PLEKHD1: variants seen among roughly 807,000 people sequenced by gnomAD.
PLEKHD1 encodes the protein pleckstrin homology and coiled-coil domain containing D1.
PLEKHD1 carries 51 observed loss-of-function variants against 69.2 expected under a neutral mutation model. The observed-to-expected ratio is 0.74, with a 90% CI of 0.59 to 0.93. The LOEUF (loss-of-function observed/expected upper bound fraction) is 0.93. Ranked by LOEUF, PLEKHD1 falls within the 40% of genes least tolerant of loss-of-function variation. PLEKHD1 has a pLI of 0.00. For synonymous variants in PLEKHD1, 236 were observed against 244.7 expected, an observed-to-expected ratio of 0.96 and a Z score of 0.33; for missense variants, 584 against 641.0, an observed-to-expected ratio of 0.91 and a Z score of 0.96.
At chr14:69,469,592 G>A in the PLEKHD1 span, among the ~76,000 whole-genome samples, 1 of 151,892 alleles carries the variant, frequency 6.6e-6, no homozygotes, top group African/African-American at 2.4e-5. Flanking sequence ...TAATTTTTTT[G>A]TGTAGATGGG....
chr14:69,498,807 C>G (rs1882955940), intron 1 of PLEKHD1, among the ~76,000 whole-genome samples: 1 of 152,004 alleles, frequency 6.6e-6, no homozygotes, highest in Non-Finnish European at 1.5e-5. Context: ...GCCACCACAC[C>G]CAGCTAATTT....
chr14:69,472,482 G>A, the PLEKHD1 span, among the ~76,000 whole-genome samples: 2 of 152,014 alleles, frequency 1.3e-5, no homozygotes, highest in East Asian at 1.9e-4. Flanking sequence ...TTTCTTTTTC[G>A]GTAACGTTAA....
chr14:69,483,765 G>A (rs555989881), upstream of PLEKHD1, among the ~76,000 whole-genome samples: 6 of 152,380 alleles, frequency 3.9e-5, no homozygotes, highest in Non-Finnish European at 8.8e-5. Flanking sequence ...GTGGTCTGGC[G>A]GGCGGCCGCT....
intron 6 of PLEKHD1, among the ~76,000 whole-genome samples, chr14:69,517,005 G>C (rs980723198): frequency 6.6e-6 from 1 of 152,120 alleles, no homozygotes; most frequent in African/African-American, 2.4e-5. Flanking sequence ...GATGAAGGCG[G>C]GCCAGAAAGA....
At chr14:69,501,659 C>T in intron 4 of PLEKHD1, 75 bp from the exon 5 acceptor site, 1 of 1,174,324 alleles carries the variant, frequency 8.5e-7, no homozygotes, top group Admixed American at 2.4e-5. Context: ...TTCTCTTTCC[C>T]CTCTACCCTT....
intron 1 of PLEKHD1, among the ~76,000 whole-genome samples, chr14:69,491,536 G>T (rs1010641469): frequency 3.9e-5 from 6 of 152,162 alleles, no homozygotes; most frequent in African/African-American, 7.2e-5. Flanking sequence ...GCCCTTTCTA[G>T]CTCCTACTCC....
chr14:69,502,918 A>T, intron 6 of PLEKHD1, 39 bp downstream of exon 6: 1 of 1,548,558 alleles, frequency 6.5e-7, no homozygotes, highest in African/African-American at 1.4e-5. Context: ...GCCGTGGTGT[A>T]ATGGCTCACG....
At chr14:69,476,994 TTTTATTTATTTA>T in the PLEKHD1 span, among the ~76,000 whole-genome samples, 50 of 149,474 alleles carry the variant, frequency 3.3e-4, no homozygotes, top group Non-Finnish European at 6.5e-4. Context: ...CTCCCCTTTA[TTTTATTTATTTA>T]TTTATTTATT....
chr14:69,497,355 G>A (rs1882911597), intron 1 of PLEKHD1, among the ~76,000 whole-genome samples: 1 of 152,262 alleles, frequency 6.6e-6, no homozygotes, highest in Non-Finnish European at 1.5e-5. Context: ...ACAGCCAGGG[G>A]ACACCTACCT....
the PLEKHD1 span, among the ~76,000 whole-genome samples, chr14:69,467,871 C>T: frequency 6.6e-6 from 1 of 152,276 alleles, no homozygotes; most frequent in African/African-American, 2.4e-5. Flanking sequence ...ACAGGAGGCA[C>T]CTCAGAAGCT....
chr14:69,474,379 G>C, the PLEKHD1 span, among the ~76,000 whole-genome samples: 1 of 152,166 alleles, frequency 6.6e-6, no homozygotes, highest in Non-Finnish European at 1.5e-5. Flanking sequence ...CTGACCACCG[G>C]TTCGCGACCA....
intron 6 of PLEKHD1, among the ~76,000 whole-genome samples, chr14:69,516,842 T>A (rs998325710): frequency 6.6e-6 from 1 of 152,218 alleles, no homozygotes; most frequent in African/African-American, 2.4e-5. Context: ...GCTATTTTTT[T>A]GTATTTTTTG....
chr14:69,483,535 G>A (rs899805311), upstream of PLEKHD1, among the ~76,000 whole-genome samples: 2 of 152,196 alleles, frequency 1.3e-5, no homozygotes, highest in African/African-American at 4.8e-5. Context: ...GAAATGTTCT[G>A]TCTGTTGCTT....
At chr14:69,475,534 G>A in the PLEKHD1 span, among the ~76,000 whole-genome samples, 1 of 152,176 alleles carries the variant, frequency 6.6e-6, no homozygotes, top group Non-Finnish European at 1.5e-5. Flanking sequence ...AGGGTGGGGT[G>A]GGGTAGAAGC....
At chr14:69,506,714 C>A (rs1353612175) in intron 6 of PLEKHD1, among the ~76,000 whole-genome samples, 1 of 152,154 alleles carries the variant, frequency 6.6e-6, no homozygotes, top group Non-Finnish European at 1.5e-5. Flanking sequence ...AATGAGTCAA[C>A]ATTGACACAC....
At chr14:69,496,163 G>T (rs1019878345) in intron 1 of PLEKHD1, among the ~76,000 whole-genome samples, 1 of 152,200 alleles carries the variant, frequency 6.6e-6, no homozygotes, top group African/African-American at 2.4e-5. Context: ...CTTGAAGGAT[G>T]GGGGTTGGTG....
chr14:69,516,339 C>G (rs1001701369), intron 6 of PLEKHD1, among the ~76,000 whole-genome samples: 1 of 133,686 alleles, frequency 7.5e-6, no homozygotes, highest in African/African-American at 2.5e-5. Context: ...ACAACTGTCA[C>G]CAAACTTTTT....
intron 7 of PLEKHD1, 46 bp from the exon 8 acceptor site, chr14:69,524,183 G>A (rs1196399938): frequency 1.4e-6 from 2 of 1,419,922 alleles, no homozygotes; most frequent in Non-Finnish European, 1.9e-6. Context: ...ATTGGTGGGG[G>A]GTGGGGAGAG....
the PLEKHD1 span, among the ~76,000 whole-genome samples, chr14:69,468,520 C>T: frequency 1.3e-5 from 2 of 152,098 alleles, no homozygotes; most frequent in African/African-American, 4.8e-5. Flanking sequence ...CATTTGTCGA[C>T]AATCACCATA....
Sources: allele counts gnomAD v4.1 joint callset (sites outside exome capture counted in the v4.1 genomes callset), GRCh38; gene constraint gnomAD v4.1.1; transcripts MANE v1.5; gene names NCBI Gene and HGNC (gene_info 2026-07-23, HGNC 2026-07-21).